Variants in FBXW7 observed in about 807,000 individuals in gnomAD.
FBXW7 encodes the protein F-box and WD repeat domain containing 7.
In FBXW7, 11 loss-of-function variants were observed where a neutral mutation model predicts 86.3. The observed-to-expected ratio is 0.13, with a 90% CI of 0.08 to 0.21. FBXW7 has a LOEUF of 0.21. Ranked by LOEUF, FBXW7 falls within the 10% of genes least tolerant of loss-of-function variation. The probability of loss-of-function intolerance (pLI) is 1.00; values close to 1 mark genes in which losing one functional copy is unlikely to be tolerated. For synonymous variants in FBXW7, 313 were observed against 297.9 expected, an observed-to-expected ratio of 1.05 and a Z score of -0.52; for missense variants, 488 against 847.4, an observed-to-expected ratio of 0.58 and a Z score of 5.27.
At chr4:152,404,409 T>G (rs1737227838) in intron 4 of FBXW7, among the ~76,000 whole-genome samples, 1 of 152,222 alleles carries the variant, frequency 6.6e-6, no homozygotes, top group African/African-American at 2.4e-5. Flanking sequence ...TCAGAGATAA[T>G]TCCTAACATT....
In FBXW7 at chr4:152,400,666, C is replaced by T. The variant is rs554713230; in HGVS notation, c.501+10637G>A. ...CCAGCCGGAAATGACATTTTAGATA[C>T]AACAATACAATACTAACAGCATGAT... On this transcript the variant is annotated intron_variant, in intron 4 of 13. Transcript: ENST00000281708. Among the ~76,000 whole-genome samples, 7 of 152,136 alleles carry T rather than the reference C, an allele frequency of 4.6e-5. No individual in the cohort carries two copies. The South Asian group carries it at 1.5e-3, about 32-fold the overall frequency.
At position 152,411,648 on chromosome 4, in the gene FBXW7, G is replaced by A. The variant is rs2126881051; in HGVS notation, c.156C>T (p.His52=). The change falls in exon 4 of 14, where the codon CAC becomes CAT. Residue 52 remains histidine, a synonymous_variant. Coordinates refer to ENST00000281708, the MANE Select transcript of FBXW7 (RefSeq NM_001349798.2). ...QQQLRQQEEE[H]TARNGEVVGV... The stretch of plus-strand genomic sequence containing the variant: ...CAACAACTTCACCATTCCTTGCAGT[G>A]TGCTCCTCCTCTTGTTGTCTGAGTT... 1 of 1,613,932 alleles carries A rather than the reference G, an allele frequency of 6.2e-7. No homozygotes were observed. The highest frequency in any genetic ancestry group is 8.5e-7 in the Non-Finnish European group (1 of 1,179,890).
intron 4 of FBXW7, among the ~76,000 whole-genome samples, chr4:152,379,918 T>G (rs1320691025): frequency 2.6e-5 from 4 of 152,190 alleles, no homozygotes; most frequent in Non-Finnish European, 5.9e-5. Context: ...CTTAAAATTT[T>G]TTCCACTATT....
intron 4 of FBXW7, among the ~76,000 whole-genome samples, chr4:152,351,243 G>A (rs772825489): frequency 1.3e-5 from 2 of 152,028 alleles, no homozygotes; most frequent in African/African-American, 4.8e-5. Flanking sequence ...ATACTAAAGA[G>A]ACTTAAAATG....
chr4:152,533,294 T>C (rs1480004165), intron 2 of FBXW7, among the ~76,000 whole-genome samples: 3 of 152,118 alleles, frequency 2.0e-5, no homozygotes, highest in African/African-American at 7.2e-5. Flanking sequence ...ATTCAAACTA[T>C]AGTTTGTTTC....
At chr4:152,412,948 T>C (rs907193886) in intron 2 of FBXW7, among the ~76,000 whole-genome samples, 5 of 152,140 alleles carry the variant, frequency 3.3e-5, no homozygotes, top group Non-Finnish European at 1.5e-5. Context: ...TAGAATTTTA[T>C]CTGATACAGC....
intron 3 of FBXW7, 51 bp from the exon 4 acceptor site, chr4:152,411,923 T>TCTG: frequency 7.1e-7 from 1 of 1,404,306 alleles, no homozygotes; most frequent in Non-Finnish European, 9.3e-7. Context: ...CTATATTATG[T>TCTG]TCTACTTTCA....
intron 2 of FBXW7, among the ~76,000 whole-genome samples, chr4:152,488,638 C>T (rs999176494): frequency 6.6e-6 from 1 of 152,016 alleles, no homozygotes; most frequent in Non-Finnish European, 1.5e-5. Context: ...CAATCTTCCA[C>T]TCTAGGTAAG....
chr4:152,530,105 GTA>G (rs1382689744), intron 2 of FBXW7, among the ~76,000 whole-genome samples: 12 of 142,940 alleles, frequency 8.4e-5, no homozygotes, highest in African/African-American at 2.9e-4. Context: ...ACACACACGT[GTA>G]TATATATACG....
At chr4:152,405,095 TAAAAAA>T (rs11394424) in intron 4 of FBXW7, among the ~76,000 whole-genome samples, 3 of 79,052 alleles carry the variant, frequency 3.8e-5, no homozygotes, top group African/African-American at 1.5e-4. Flanking sequence ...GACCTTGTCT[TAAAAAA>T]AAAAAAAAAA....
At chr4:152,426,637 A>G (rs1303291959) in intron 2 of FBXW7, among the ~76,000 whole-genome samples, 1 of 152,166 alleles carries the variant, frequency 6.6e-6, no homozygotes, top group Non-Finnish European at 1.5e-5. Context: ...CAGACCTGTA[A>G]CAGGGGGATC....
chr4:152,416,561 T>C (rs1453672842), intron 2 of FBXW7, among the ~76,000 whole-genome samples: 1 of 152,178 alleles, frequency 6.6e-6, no homozygotes, highest in African/African-American at 2.4e-5. Flanking sequence ...GAAATCACAT[T>C]TGTAACTTTA....
intron 4 of FBXW7, among the ~76,000 whole-genome samples, chr4:152,373,886 C>G (rs1734234243): frequency 6.6e-6 from 1 of 151,942 alleles, no homozygotes; most frequent in African/African-American, 2.4e-5. Context: ...GCAAAGAAAA[C>G]CGACAATTAC....
At chr4:152,419,734 T>C (rs1738776696) in intron 2 of FBXW7, among the ~76,000 whole-genome samples, 1 of 152,112 alleles carries the variant, frequency 6.6e-6, no homozygotes, top group African/African-American at 2.4e-5. Flanking sequence ...ATACAGCAGG[T>C]CACAAAAAAT....
intron 2 of FBXW7, among the ~76,000 whole-genome samples, chr4:152,501,560 T>A (rs1560974327): frequency 6.6e-6 from 1 of 152,170 alleles, no homozygotes; most frequent in African/African-American, 2.4e-5. Flanking sequence ...ACAGAGGAGT[T>A]GAAGTACTTA....
chr4:152,389,183 TG>T (rs1335618197), intron 4 of FBXW7, among the ~76,000 whole-genome samples: 4 of 152,072 alleles, frequency 2.6e-5, no homozygotes, highest in African/African-American at 9.7e-5. Flanking sequence ...ACGGTGTTGG[TG>T]GGAATGCAAA....
chr4:152,397,538 TTTAACTGAACA>T (rs1261706222), intron 4 of FBXW7, among the ~76,000 whole-genome samples: 1 of 151,738 alleles, frequency 6.6e-6, no homozygotes, highest in African/African-American at 2.4e-5. Context: ...TTTTTATTCT[TTTAACTGAACA>T]TTAACACCTT....
intron 2 of FBXW7, among the ~76,000 whole-genome samples, chr4:152,492,814 T>C (rs1745988884): frequency 1.3e-5 from 2 of 151,964 alleles, no homozygotes; most frequent in Admixed American, 1.3e-4. Flanking sequence ...GGAGGTAGAT[T>C]AGGGTCAAAT....
chr4:152,324,551 A>G, intron 12 of FBXW7, 157 bp from the exon 13 acceptor site: 1 of 611,032 alleles, frequency 1.6e-6, no homozygotes, highest in Non-Finnish European at 2.9e-6. Context: ...GATAAAGTGC[A>G]TGCCATCAAG....
Sources: gnomAD v4.1 joint callset for allele counts (sites outside exome capture counted in the v4.1 genomes callset) on GRCh38, gnomAD v4.1.1 for gene constraint, MANE v1.5 for transcripts, NCBI Gene and HGNC (gene_info 2026-07-23, HGNC 2026-07-21) for gene names.